The following IL16 variants were observed in gnomAD, a reference collection of about 807,000 sequenced individuals.
IL16 encodes the protein pro-interleukin-16.
IL16 carries 67 observed loss-of-function variants against 110.1 expected under a neutral mutation model. The observed-to-expected ratio is 0.61, with a 90% CI of 0.50 to 0.75. The LOEUF (loss-of-function observed/expected upper bound fraction) is 0.75. Ranked by LOEUF, IL16 falls within the 30% of genes least tolerant of loss-of-function variation. The pLI, the probability that IL16 is intolerant of heterozygous loss-of-function variation, is 0.00. For synonymous variants in IL16, 689 were observed against 662.9 expected, an observed-to-expected ratio of 1.04 and a Z score of -0.61; for missense variants, 1,545 against 1,655.0, an observed-to-expected ratio of 0.93 and a Z score of 1.15.
At chr15:81,228,102 T>C (rs568656731) in intron 2 of IL16, among the ~76,000 whole-genome samples, 25 of 152,230 alleles carry the variant, frequency 1.6e-4, no homozygotes, top group Admixed American at 1.6e-3. Flanking sequence ...GACATGCGTC[T>C]GCAAAGACAG....
intron 2 of IL16, among the ~76,000 whole-genome samples, chr15:81,226,133 G>A (rs1293915723): frequency 6.6e-6 from 1 of 152,204 alleles, no homozygotes. Flanking sequence ...GGCAAGCAAG[G>A]TAAGGGGTGC....
chr15:81,243,493 A>G (rs573929750), intron 2 of IL16, among the ~76,000 whole-genome samples: 6 of 152,044 alleles, frequency 3.9e-5, no homozygotes, highest in Non-Finnish European at 7.4e-5. Context: ...CCATGCATCT[A>G]TATTTATGAA....
chr15:81,197,834 C>T (rs575926259), intron 1 of IL16, among the ~76,000 whole-genome samples: 10 of 152,068 alleles, frequency 6.6e-5, no homozygotes, highest in Admixed American at 6.5e-4. Flanking sequence ...GAAGCATCTT[C>T]TCCTCCTGCC....
rs755105223 is a variant in IL16, at chr15:81,299,654, C to T, written c.2328C>T (p.Ser776=). ...CCAAAGTTTACAAGTCAGCAGACAGCAGCACTGTGAAGAAAGGTCCTCCTG... is the reference window on the plus strand; with the variant it reads ...CCAAAGTTTACAAGTCAGCAGACAGTAGCACTGTGAAGAAAGGTCCTCCTG... The part of the protein sequence containing the change: ...GTPKVYKSAD[S]STVKKGPPVA... Residue 776 remains serine (S), a synonymous_variant, in exon 14 of 19, where the codon AGC becomes AGT. Transcript: ENST00000683961. 10 of 1,614,222 alleles carry T rather than the reference C, an allele frequency of 6.2e-6. No homozygotes were observed. In the Admixed American group the frequency reaches 1.7e-4, roughly 27 times the overall value.
At chr15:81,305,850 C>T in intron 16 of IL16, 58 bp from the exon 17 acceptor site, 1 of 1,579,520 alleles carries the variant, frequency 6.3e-7, no homozygotes, top group South Asian at 1.2e-5. Context: ...CCTCCTCCAG[C>T]AAGTATGTGG....
intron 3 of IL16, among the ~76,000 whole-genome samples, chr15:81,265,060 G>C (rs1379250278): frequency 6.6e-6 from 1 of 152,210 alleles, no homozygotes; most frequent in East Asian, 1.9e-4. Flanking sequence ...TAGGGAGGTA[G>C]GGTAGAGTTC....
At chr15:81,243,688 G>A (rs1309467211) in intron 2 of IL16, among the ~76,000 whole-genome samples, 1 of 151,994 alleles carries the variant, frequency 6.6e-6, no homozygotes, top group African/African-American at 2.4e-5. Flanking sequence ...TGACCCTAGA[G>A]GTTTATCATT....
In IL16 at chr15:81,225,662, C is replaced by G. The variant is rs202125479; in HGVS notation, c.263C>G (p.Ala88Gly). 14 of 1,613,984 alleles carry G rather than the reference C, an allele frequency of 8.7e-6. No individual in the cohort carries two copies. The African/African-American group carries it at 1.7e-4, about 20-fold the overall frequency. Residue 88 changes from alanine (A) to glycine (G), a missense_variant, in exon 2 of 19, where the codon GCA (alanine) becomes GGA (glycine). Transcript: ENST00000683961. Reference protein sequence around the residue: ...ALASEAAQLQAAGNDRGKTCR... With the variant: ...ALASEAAQLQGAGNDRGKTCR... The stretch of plus-strand genomic sequence containing the variant: ...GCCTCGGAGGCTGCTCAACTCCAAG[C>G]AGCTGGGAATGATCGAGGCAAGACC...
In IL16 at chr15:81,296,992, C is replaced by T. The variant is rs1900016977; in HGVS notation, c.1967C>T (p.Ala656Val). Residue 656 changes from alanine (A) to valine (V), a missense_variant, in exon 13 of 19, where the codon GCC (alanine) becomes GTC (valine). Physicochemically the swap from Ala to Val is moderately conservative, Grantham distance 64. Around this residue, in one of 3 missense-constraint regions of IL16, gnomAD observed 1,185 missense variants for 1,238.8 expected, o/e 0.96. Transcript: ENST00000683961. ...GACACAGCAGGGAGAAGCCCTAGTG[C>T]CTCTGCCGGCTGCCCAGGACCTGGT... Reference protein sequence around the residue: ...QEDTAGRSPSASAGCPGPGIG... With the variant: ...QEDTAGRSPSVSAGCPGPGIG... 3 of 1,613,894 alleles carry T rather than the reference C, an allele frequency of 1.9e-6. No homozygotes were observed. The highest frequency in any genetic ancestry group is 2.7e-5 in the African/African-American group (2 of 75,022).
Position 81,225,520 on chromosome 15 carries a change from T to C in IL16, c.121T>C (p.Tyr41His). Residue 41 changes from tyrosine (Y) to histidine (H), a missense_variant, in exon 2 of 19, where the codon TAT becomes CAT. Physicochemically the swap from Tyr to His is moderately conservative, Grantham distance 83. This residue lies in a region of IL16 where 1,185 missense variants were observed against 1,238.8 expected (regional missense o/e 0.96). Transcript: ENST00000683961. Reference protein sequence around the residue: ...SDDGSSPDEKYPDPFEISLAQ... With the variant: ...SDDGSSPDEKHPDPFEISLAQ... ...TGATGGCTCTAGCCCTGATGAGAAA[T>C]ATCCTGATCCCTTTGAGATTTCCTT... The C allele has an allele frequency of 6.2e-7, 1 of 1,614,132 alleles. No individual in the cohort carries two copies. The highest frequency in any genetic ancestry group is 8.5e-7 in the Non-Finnish European group (1 of 1,180,002).
intron 6 of IL16, among the ~76,000 whole-genome samples, chr15:81,273,515 C>T (rs1898743845): frequency 6.6e-6 from 1 of 152,110 alleles, no homozygotes; most frequent in Admixed American, 6.5e-5. Context: ...CTCCTCTCAC[C>T]CATTCTCTCG....
rs375732051 is a variant in IL16, at chr15:81,287,082, CAAGAT to C, written c.1332+1258_1332+1262del. 1.2e-3 allele frequency among the ~76,000 whole-genome samples: 187 copies of C among 152,306 alleles called. 1 individual carries two copies. Among genetic ancestry groups the C allele is most frequent in the African/African-American group, 4.2e-3 (176 of 41,560 alleles). On this transcript the variant is annotated intron_variant, in intron 10 of 18. Transcript: ENST00000683961. ...TGTGGGAATTATGGGAGCTAAAACT[CAAGAT>C]AAGATTTGGGTAGGGACACAGACAA...
intron 1 of IL16, among the ~76,000 whole-genome samples, chr15:81,210,659 G>A (rs1179502059): frequency 6.6e-6 from 1 of 152,162 alleles, no homozygotes; most frequent in Non-Finnish European, 1.5e-5. Flanking sequence ...CATTATTGGT[G>A]TATAGAAATG....
rs778394122 is a variant in IL16 at position 81,306,543 on chromosome 15, A to G, written c.3803A>G (p.Lys1268Arg). 2 of 1,612,508 alleles carry G rather than the reference A, an allele frequency of 1.2e-6. No homozygotes were observed. The highest frequency in any genetic ancestry group is 1.7e-5 in the Admixed American group (1 of 60,006). The change falls in exon 18 of 19, where the codon AAA becomes AGA. Residue 1268 changes from lysine (K) to arginine (R), a missense_variant and splice_region_variant. Around this residue, in one of 3 missense-constraint regions of IL16, gnomAD observed 356 missense variants for 399.3 expected, o/e 0.89. Transcript: ENST00000683961. ...CCTCTCACCATTAACAGGATTTTCA[A>G]AGGTGTGGGGTGTGTCTGGTTCTTT... ...DKPLTINRIF[K>R]GAASEQSETV... is the part of the protein sequence containing the mutation.
At position 81,282,745 on chromosome 15, in the gene IL16, C is replaced by T. The variant is rs556598858; in HGVS notation, c.1188C>T (p.Asp396=). Residue 396 remains aspartate, a synonymous_variant, in exon 9 of 19, where the codon GAC becomes GAT. Transcript: ENST00000683961. The part of the protein sequence containing the change: ...TLSPGSVAHL[D]GRLRCGDEIV... The stretch of plus-strand genomic sequence containing the variant: ...CACCAGGATCCGTGGCGCACCTGGA[C>T]GGACGTCTCCGGTATGTCCTCACTT... The T allele has an allele frequency of 2.2e-4, 358 of 1,610,152 alleles. 4 individuals carry two copies. In the South Asian group the frequency reaches 3.7e-3, roughly 17 times the overall value.
intron 2 of IL16, among the ~76,000 whole-genome samples, chr15:81,244,362 T>G (rs1897461511): frequency 6.6e-6 from 1 of 152,294 alleles, no homozygotes; most frequent in South Asian, 2.1e-4. Context: ...CTTTAGCTGT[T>G]TTTTTGGGAT....
chr15:81,217,003 A>G (rs765433406), intron 1 of IL16, among the ~76,000 whole-genome samples: 6 of 151,922 alleles, frequency 3.9e-5, no homozygotes, highest in Admixed American at 6.5e-5. Context: ...AGGAAACTAA[A>G]TATTCAATTC....
intron 15 of IL16, chr15:81,302,049 G>A (rs1900314099): frequency 6.5e-6 from 1 of 153,146 alleles, no homozygotes; most frequent in South Asian, 2.0e-4. Context: ...AAAGGGGTGT[G>A]GGGAGGAAGT....
chr15:81,309,883 T>C lies in IL16; in HGVS notation c.*1085T>C, dbSNP rs1328615052. On this transcript the variant is annotated 3_prime_UTR_variant, in exon 19 of 19. Coordinates refer to ENST00000683961, the MANE Select transcript of IL16 (RefSeq NM_172217.5). The stretch of plus-strand genomic sequence containing the variant: ...AATGTATTGATAAGAGGGCACACAC[T>C]GTGTACAGTAAATGGCTTATCCAGC... 6.6e-6 allele frequency: 1 copy of C among 152,262 alleles called. No individual in the cohort carries two copies. The highest frequency in any genetic ancestry group is 6.5e-5 in the Admixed American group (1 of 15,276). 9.4% of individuals were successfully genotyped at this position (152,262 alleles called of 1,614,324 possible).
Sources: gnomAD v4.1 joint callset for allele counts (sites outside exome capture counted in the v4.1 genomes callset) on GRCh38, gnomAD v4.1.1 for gene constraint, gnomAD v4.1.1 regional missense constraint, MANE v1.5 for transcripts, NCBI Gene and HGNC (gene_info 2026-07-23, HGNC 2026-07-21) for gene names.